Variants in IPO11 observed in about 807,000 individuals in gnomAD.
The protein encoded by IPO11 is importin 11, also known as importin-11.
Under a neutral mutation model 143.2 loss-of-function variants are expected in IPO11, and 66 were observed. The ratio of observed to expected loss-of-function variants is 0.46; its 90% CI spans 0.38 to 0.57. IPO11 has a LOEUF of 0.57. IPO11 is among the 20% of genes least tolerant of loss of function. The pLI is 0.00. For synonymous variants in IPO11, 385 were observed against 377.8 expected (o/e 1.02, Z -0.22); for missense variants, 1,026 against 1,141.0 (o/e 0.90, Z 1.45).
intron 27 of IPO11, among the ~76,000 whole-genome samples, chr5:62,565,783 C>T (rs542923036): frequency 6.6e-6 from 1 of 152,008 alleles, no homozygotes; most frequent in Admixed American, 6.5e-5. Context: ...TCCCTCACCC[C>T]CTACCCCCCC....
chr5:62,504,800 A>C, intron 17 of IPO11, 58 bp from the exon 18 acceptor site: 4 of 1,344,808 alleles, frequency 3.0e-6, no homozygotes, highest in Non-Finnish European at 4.1e-6. Context: ...CTTGTTTTAG[A>C]TACAGATTTA....
Position 62,627,429 on chromosome 5 carries a change from C to A in IPO11, c.*111C>A, listed in dbSNP as rs1210303035. On this transcript the variant is annotated 3_prime_UTR_variant, in exon 30 of 30. Coordinates refer to ENST00000325324, the MANE Select transcript of IPO11 (RefSeq NM_016338.5). ...GAAGAAATCACTTCATGAAAATAAG[C>A]AAAGACCACACATTTTTTACTACAA... The A allele has an allele frequency of 3.1e-6, 3 of 980,864 alleles. No individual in the cohort carries two copies. Among genetic ancestry groups the A allele is most frequent in the Non-Finnish European group, 4.5e-6 (3 of 671,204 alleles). The allele number at this position is 980,864 out of a possible 1,614,324, so 60.8% of individuals were successfully genotyped here.
intron 3 of IPO11, 95 bp downstream of exon 3, chr5:62,443,178 G>T (rs924642722): frequency 4.3e-6 from 3 of 692,572 alleles, no homozygotes; most frequent in African/African-American, 3.7e-5. Context: ...ATGTGTTAGC[G>T]CTTACTTCTG....
chr5:62,576,477 A>G (rs1434497996), intron 27 of IPO11, among the ~76,000 whole-genome samples: 1 of 152,226 alleles, frequency 6.6e-6, no homozygotes, highest in African/African-American at 2.4e-5. Context: ...TGATTGGTTT[A>G]TATATAGATG....
At chr5:62,474,497 A>G (rs1390767545) in intron 8 of IPO11, 33 bp downstream of exon 8, 4 of 1,479,834 alleles carry the variant, frequency 2.7e-6, no homozygotes, top group Non-Finnish European at 3.7e-6. Flanking sequence ...TTTTTACTGT[A>G]GAATTTTTAT....
intron 27 of IPO11, among the ~76,000 whole-genome samples, chr5:62,585,645 G>T: frequency 6.6e-6 from 1 of 152,136 alleles, no homozygotes; most frequent in East Asian, 1.9e-4. Context: ...GCAAGGAAAA[G>T]ATACTAGATT....
intron 20 of IPO11, among the ~76,000 whole-genome samples, chr5:62,523,140 C>T (rs971747890): frequency 3.3e-5 from 5 of 152,204 alleles, no homozygotes; most frequent in Non-Finnish European, 7.3e-5. Flanking sequence ...TGTCTTTCTT[C>T]CCAGCTTCCA....
At chr5:62,475,255 C>T (rs1216456192) in intron 8 of IPO11, among the ~76,000 whole-genome samples, 1 of 152,028 alleles carries the variant, frequency 6.6e-6, no homozygotes, top group Non-Finnish European at 1.5e-5. Context: ...CGTGGTGACT[C>T]AACGCCTGTA....
At chr5:62,624,406 C>T (rs1230908895) in intron 29 of IPO11, among the ~76,000 whole-genome samples, 1 of 152,076 alleles carries the variant, frequency 6.6e-6, no homozygotes, top group African/African-American at 2.4e-5. Context: ...CAAATACCAC[C>T]ATGGCATTTG....
intron 4 of IPO11, among the ~76,000 whole-genome samples, chr5:62,450,287 C>A (rs891899968): frequency 6.6e-6 from 1 of 152,086 alleles, no homozygotes; most frequent in Non-Finnish European, 1.5e-5. Context: ...TATATAGTCA[C>A]GTGATGCCTA....
intron 24 of IPO11, among the ~76,000 whole-genome samples, chr5:62,548,028 C>G (rs1273418007): frequency 6.6e-6 from 1 of 151,184 alleles, no homozygotes; most frequent in Non-Finnish European, 1.5e-5. Context: ...AAATAACACC[C>G]CTGTGTTGTT....
chr5:62,621,316 A>G (rs867360516), intron 29 of IPO11, among the ~76,000 whole-genome samples: 3 of 152,212 alleles, frequency 2.0e-5, no homozygotes, highest in Middle Eastern at 6.8e-3. Context: ...GGCGAGGGGG[A>G]ACAGAATTAT....
intron 29 of IPO11, among the ~76,000 whole-genome samples, chr5:62,621,401 C>G (rs1746366161): frequency 6.6e-6 from 1 of 152,166 alleles, no homozygotes; most frequent in East Asian, 1.9e-4. Flanking sequence ...CAGATTGAAT[C>G]TCAGGTTACC....
At chr5:62,459,146 AACAGT>A (rs1745271308) in intron 5 of IPO11, among the ~76,000 whole-genome samples, 1 of 151,806 alleles carries the variant, frequency 6.6e-6, no homozygotes, top group Non-Finnish European at 1.5e-5. Flanking sequence ...GATACATGAG[AACAGT>A]GTGTAGGCAT....
chr5:62,432,456 TGA>T (rs904432253), intron 1 of IPO11, among the ~76,000 whole-genome samples: 6 of 151,992 alleles, frequency 3.9e-5, no homozygotes, highest in African/African-American at 1.4e-4. Flanking sequence ...GGAGTTAGGG[TGA>T]GAGAGAGCCC....
intron 27 of IPO11, chr5:62,580,361 A>C: frequency 6.5e-7 from 1 of 1,546,320 alleles, no homozygotes; most frequent in Non-Finnish European, 8.8e-7. Context: ...CTTAAGTTAG[A>C]TAGAAACAGA....
chr5:62,506,284 A>T lies in IPO11; in HGVS notation c.1709A>T (p.Gln570Leu). 6.2e-7 allele frequency: 1 copy of T among 1,611,578 alleles called. No individual in the cohort carries two copies. The highest frequency in any genetic ancestry group is 8.5e-7 in the Non-Finnish European group (1 of 1,178,618). ...ACACTACTTTTTCAGTTACTGCAGC[A>T]AGTTACAGAATGTGACACAAAGATG... Reference protein sequence around the residue: ...MFTLLFQLLQQVTECDTKMHV... With the variant: ...MFTLLFQLLQLVTECDTKMHV... The change falls in exon 19 of 30, where the codon CAA becomes CTA. Residue 570 changes from glutamine (Q) to leucine (L), a missense_variant. Gln to Leu is a moderately radical substitution (Grantham distance 113). This residue lies in a region of IPO11 where 237 missense variants were observed against 288.0 expected (regional missense o/e 0.82). Transcript: ENST00000325324.
chr5:62,551,863 C>T (rs572555631), intron 26 of IPO11, among the ~76,000 whole-genome samples: 3 of 152,236 alleles, frequency 2.0e-5, no homozygotes, highest in African/African-American at 7.2e-5. Flanking sequence ...CGGTGGCTCA[C>T]GCCTGTAATC....
At chr5:62,476,542 C>A in intron 8 of IPO11, 141 bp from the exon 9 acceptor site, 1 of 859,134 alleles carries the variant, frequency 1.2e-6, no homozygotes, top group African/African-American at 1.8e-5. Context: ...CAGTGTAAAT[C>A]TTGGTATTGC....
Sources: gnomAD v4.1 joint callset for allele counts (sites outside exome capture counted in the v4.1 genomes callset) on GRCh38, gnomAD v4.1.1 for gene constraint, gnomAD v4.1.1 regional missense constraint, MANE v1.5 for transcripts, NCBI Gene and HGNC (gene_info 2026-07-23, HGNC 2026-07-21) for gene names.